Variants in NELL2 observed in about 807,000 individuals in gnomAD.
NELL2 encodes protein kinase C-binding protein NELL2.
In NELL2, 41 loss-of-function variants were observed where a neutral mutation model predicts 109.6. The observed-to-expected ratio is 0.37, with a 90% CI of 0.29 to 0.49. NELL2 has a LOEUF of 0.49. Ranked by LOEUF, NELL2 falls within the 20% of genes least tolerant of loss-of-function variation. The pLI, the probability that NELL2 is intolerant of heterozygous loss-of-function variation, is 0.98. For missense variants in NELL2, 900 were observed against 1,008.3 expected, an observed-to-expected ratio of 0.89 and a Z score of 1.45; for synonymous variants, 355 against 344.7, an observed-to-expected ratio of 1.03 and a Z score of -0.33.
chr12:44,733,504 G>C (rs963221560), intron 9 of NELL2, among the ~76,000 whole-genome samples: 2 of 151,780 alleles, frequency 1.3e-5, no homozygotes, highest in African/African-American at 4.8e-5. Flanking sequence ...GTATGCAAAG[G>C]GGTCAAAATC....
intron 2 of NELL2, among the ~76,000 whole-genome samples, chr12:44,847,330 G>A (rs914805176): frequency 7.9e-5 from 12 of 152,020 alleles, no homozygotes; most frequent in Non-Finnish European, 1.3e-4. Flanking sequence ...TCCTATCTTC[G>A]AAACCAATCT....
intron 9 of NELL2, among the ~76,000 whole-genome samples, chr12:44,761,985 T>C (rs1941146525): frequency 6.6e-6 from 1 of 152,174 alleles, no homozygotes; most frequent in African/African-American, 2.4e-5. Context: ...CATTATACAA[T>C]ATATCCATGT....
chr12:44,634,634 C>T (rs572637316), intron 13 of NELL2, among the ~76,000 whole-genome samples: 5 of 152,224 alleles, frequency 3.3e-5, no homozygotes, highest in Admixed American at 1.3e-4. Context: ...AATAAACATG[C>T]GTGTGTATGT....
intron 13 of NELL2, among the ~76,000 whole-genome samples, chr12:44,638,392 A>G (rs1457800224): frequency 6.6e-6 from 1 of 152,138 alleles, no homozygotes; most frequent in Non-Finnish European, 1.5e-5. Flanking sequence ...CAGGTTATGT[A>G]AAAGTCCTAA....
chr12:44,603,262 A>AT, intron 15 of NELL2, among the ~76,000 whole-genome samples: 1 of 151,984 alleles, frequency 6.6e-6, no homozygotes, highest in South Asian at 2.1e-4. Flanking sequence ...TACTGCAGCA[A>AT]TTTTTTTTCA....
At chr12:44,822,956 CAGAG>C (rs140625512) in intron 2 of NELL2, among the ~76,000 whole-genome samples, 21 of 149,472 alleles carry the variant, frequency 1.4e-4, no homozygotes, top group Non-Finnish European at 1.9e-4. Flanking sequence ...GAGGAGGAGA[CAGAG>C]AGAGAGAGAG....
chr12:44,562,709 A>G (rs1943511355), intron 15 of NELL2, among the ~76,000 whole-genome samples: 1 of 152,236 alleles, frequency 6.6e-6, no homozygotes, highest in African/African-American at 2.4e-5. Context: ...ATGCTTTTAC[A>G]CTGTTGGTGG....
chr12:44,560,348 A>G (rs536813769), intron 15 of NELL2, among the ~76,000 whole-genome samples: 1 of 152,370 alleles, frequency 6.6e-6, no homozygotes, highest in South Asian at 2.1e-4. Flanking sequence ...AGAGGAAGAT[A>G]GAGACATTAA....
intron 3 of NELL2, among the ~76,000 whole-genome samples, chr12:44,794,689 A>G (rs927080554): frequency 5.9e-5 from 9 of 152,212 alleles, no homozygotes; most frequent in Non-Finnish European, 1.3e-4. Context: ...CCAACACATT[A>G]AAATTATGAC....
chr12:44,896,979 G>A (rs941967999), intron 1 of NELL2, among the ~76,000 whole-genome samples: 4 of 152,186 alleles, frequency 2.6e-5, no homozygotes, highest in Non-Finnish European at 4.4e-5. Context: ...TGACTTAATC[G>A]AAGGGGAACT....
intron 15 of NELL2, among the ~76,000 whole-genome samples, chr12:44,560,543 TATAAAC>T (rs1212107777): frequency 6.6e-6 from 1 of 152,130 alleles, no homozygotes; most frequent in Non-Finnish European, 1.5e-5. Context: ...CAGAGAATAC[TATAAAC>T]AACTCTATGC....
intron 15 of NELL2, among the ~76,000 whole-genome samples, chr12:44,587,284 A>AAAAAAAATATATATATAT: frequency 1.4e-4 from 10 of 72,198 alleles, no homozygotes; most frequent in Non-Finnish European, 2.4e-4. Context: ...AAAAAAAAAA[A>AAAAAAAATATATATATAT]ATATATATAT....
chr12:44,799,725 T>C (rs537720991), intron 3 of NELL2, among the ~76,000 whole-genome samples: 3 of 152,164 alleles, frequency 2.0e-5, no homozygotes, highest in South Asian at 2.1e-4. Flanking sequence ...GGGGGGGTGA[T>C]GTATTTAATA....
chr12:44,734,190 A>G (rs903050430), intron 9 of NELL2, among the ~76,000 whole-genome samples: 1 of 151,990 alleles, frequency 6.6e-6, no homozygotes, highest in African/African-American at 2.4e-5. Context: ...TGCAAGTTCA[A>G]ATTGCTAGGT....
At chr12:44,880,833 G>T (rs1945402750), upstream of NELL2, 1 of 139,428 alleles carries the variant, frequency 7.2e-6, no homozygotes, top group African/African-American at 2.8e-5. Context: ...TCTTTGTTTT[G>T]TTCTTGTTGT....
rs1271449277 is a variant in NELL2, at chr12:44,586,363, ATACGTGATTTCT to A, written c.1663+20794_1663+20805del. ...TATGTATGTCATACATATGTCATAA[ATACGTGATTTCT>A]TAAAAATTAAATACATGAGTCTTAA... On this transcript the variant is annotated intron_variant, in intron 15 of 19. Transcript: ENST00000429094. 3.3e-5 allele frequency among the ~76,000 whole-genome samples: 5 copies of A among 150,904 alleles called. No homozygotes were observed. In the South Asian group the frequency reaches 8.3e-4, roughly 25 times the overall value.
chr12:44,535,330 A>T (rs1305358068), intron 15 of NELL2, among the ~76,000 whole-genome samples: 1 of 151,838 alleles, frequency 6.6e-6, no homozygotes, highest in Non-Finnish European at 1.5e-5. Flanking sequence ...AACCTATCAT[A>T]AATTAAAAAA....
intron 14 of NELL2, among the ~76,000 whole-genome samples, chr12:44,609,383 C>A (rs1187918624): frequency 6.6e-6 from 1 of 152,062 alleles, no homozygotes; most frequent in Non-Finnish European, 1.5e-5. Flanking sequence ...TGATTCACAT[C>A]CCAGGCAGCA....
chr12:44,680,867 A>C (rs1449222087), intron 12 of NELL2, among the ~76,000 whole-genome samples: 8 of 152,172 alleles, frequency 5.3e-5, no homozygotes, highest in Non-Finnish European at 1.2e-4. Flanking sequence ...TATATTAATA[A>C]TGAAGCTAAC....
Sources: gnomAD v4.1 joint callset for allele counts (sites outside exome capture counted in the v4.1 genomes callset) on GRCh38, gnomAD v4.1.1 for gene constraint, MANE v1.5 for transcripts, NCBI Gene and HGNC (gene_info 2026-07-23, HGNC 2026-07-21) for gene names.